Variants in SYT14 observed in about 807,000 individuals in gnomAD.
SYT14 encodes synaptotagmin 14, also known as synaptotagmin-14.
A neutral mutation model predicts 74.2 loss-of-function variants in SYT14; 32 were observed. That is an observed-to-expected ratio of 0.43 (90% CI 0.33 to 0.58). SYT14 has a LOEUF of 0.58. Among genes scored for constraint, SYT14 ranks in the 20% least tolerant of loss-of-function variants. The pLI is 0.05. For synonymous variants in SYT14, 298 were observed against 337.7 expected, an observed-to-expected ratio of 0.88 and a Z score of 1.29; for missense variants, 791 against 981.8, an observed-to-expected ratio of 0.81 and a Z score of 2.60.
intron 1 of SYT14, among the ~76,000 whole-genome samples, chr1:209,952,250 C>T (rs2078923649): frequency 6.6e-6 from 1 of 151,958 alleles, no homozygotes; most frequent in Non-Finnish European, 1.5e-5. Flanking sequence ...ATTTGTTTTA[C>T]AAATTTATAA....
At position 210,162,274 on chromosome 1, in the gene SYT14, G is replaced by T. The variant is rs569816882; in HGVS notation, c.*1232G>T. 5.9e-5 allele frequency: 26 copies of T among 437,910 alleles called. 1 individual carries two copies. The highest frequency in any genetic ancestry group is 4.2e-4 in the South Asian group (25 of 60,118). 27.1% of individuals were successfully genotyped at this position (437,910 alleles called of 1,614,324 possible). A position where few individuals can be genotyped will look rare whatever the true frequency, so the allele number is the denominator to read the frequency against. ...TTAAATTTGCTCATACAGCTTGAAC[G>T]TTGTATTTGCAAAATTAAGCCTTCG... On this transcript the variant is annotated 3_prime_UTR_variant, in exon 10 of 10. Transcript: ENST00000637265.
At chr1:210,021,050 A>G in exon 5 of SYT14, 1 of 1,613,802 alleles carries the variant, frequency 6.2e-7, no homozygotes, top group Non-Finnish European at 8.5e-7. Flanking sequence ...TAATTCCTAC[A>G]TGGACAAAGA....
At chr1:209,972,646 T>TG (rs1223452340) in intron 2 of SYT14, among the ~76,000 whole-genome samples, 2 of 152,208 alleles carry the variant, frequency 1.3e-5, no homozygotes, top group African/African-American at 4.8e-5. Flanking sequence ...TTCCATGAAA[T>TG]TGTGTGGTTT....
chr1:209,954,400 C>CT, intron 2 of SYT14, among the ~76,000 whole-genome samples: 1 of 152,084 alleles, frequency 6.6e-6, no homozygotes, highest in East Asian at 1.9e-4. Flanking sequence ...ATTAGTCTAG[C>CT]TTTTTTGCTG....
chr1:209,993,953 T>C (rs2079740493), intron 2 of SYT14, among the ~76,000 whole-genome samples: 1 of 152,180 alleles, frequency 6.6e-6, no homozygotes, highest in Non-Finnish European at 1.5e-5. Flanking sequence ...AGTGTTTACC[T>C]AAAGATGTTG....
chr1:209,953,631 TA>T (rs1177095707), intron 2 of SYT14, among the ~76,000 whole-genome samples: 5 of 152,346 alleles, frequency 3.3e-5, no homozygotes, highest in African/African-American at 9.6e-5. Context: ...ATGTTTTCAG[TA>T]AGTCTTTAAC....
chr1:210,081,794 A>G (rs1306508281), intron 5 of SYT14, among the ~76,000 whole-genome samples: 1 of 152,270 alleles, frequency 6.6e-6, no homozygotes, highest in Non-Finnish European at 1.5e-5. Context: ...ACAAAACAGA[A>G]TAAACAATAT....
At chr1:209,971,523 T>C (rs2079256444) in intron 2 of SYT14, among the ~76,000 whole-genome samples, 1 of 152,186 alleles carries the variant, frequency 6.6e-6, no homozygotes, top group Admixed American at 6.5e-5. Flanking sequence ...TATGGGTTTG[T>C]CATAGATGGG....
intron 7 of SYT14, among the ~76,000 whole-genome samples, chr1:210,138,358 C>G (rs955101233): frequency 6.6e-6 from 1 of 152,162 alleles, no homozygotes; most frequent in Non-Finnish European, 1.5e-5. Flanking sequence ...ATTCAATTAC[C>G]TCGCACCAGT....
At chr1:210,073,930 A>AGC (rs1221069482) in intron 5 of SYT14, among the ~76,000 whole-genome samples, 1 of 96,008 alleles carries the variant, frequency 1.0e-5, no homozygotes, top group Non-Finnish European at 1.9e-5. Context: ...ATATCAAGAA[A>AGC]ACAGATGAAA....
intron 5 of SYT14, among the ~76,000 whole-genome samples, chr1:210,070,156 G>A (rs780487960): frequency 6.6e-6 from 1 of 151,850 alleles, no homozygotes; most frequent in African/African-American, 2.4e-5. Context: ...CTCTCGTTCC[G>A]CTCTCCATCT....
intron 2 of SYT14, among the ~76,000 whole-genome samples, chr1:209,980,558 T>C (rs145761662): frequency 1.3e-5 from 2 of 152,352 alleles, no homozygotes; most frequent in African/African-American, 4.8e-5. Flanking sequence ...CTAGATTTTC[T>C]TCTAAGGTTT....
At chr1:210,150,614 C>T (rs2083139330) in intron 7 of SYT14, among the ~76,000 whole-genome samples, 4 of 152,186 alleles carry the variant, frequency 2.6e-5, no homozygotes, top group Admixed American at 2.6e-4. Flanking sequence ...TTAACTTCAG[C>T]ACCCTCTGTG....
At chr1:210,042,303 A>G (rs1426759079) in intron 5 of SYT14, among the ~76,000 whole-genome samples, 1 of 152,214 alleles carries the variant, frequency 6.6e-6, no homozygotes, top group African/African-American at 2.4e-5. Context: ...TTAACCATAC[A>G]GAGAAGGATG....
At chr1:210,115,967 C>T (rs2082353331) in intron 7 of SYT14, among the ~76,000 whole-genome samples, 1 of 150,740 alleles carries the variant, frequency 6.6e-6, no homozygotes, top group Admixed American at 6.6e-5. Context: ...TAGGGGTGGG[C>T]CGTTTTATAG....
chr1:210,044,127 C>T (rs898222261), intron 5 of SYT14, among the ~76,000 whole-genome samples: 1 of 152,124 alleles, frequency 6.6e-6, no homozygotes, highest in South Asian at 2.1e-4. Flanking sequence ...TGGTTGGTGC[C>T]AATGTCGTAA....
At chr1:209,991,832 G>GAA (rs1301656205) in intron 2 of SYT14, among the ~76,000 whole-genome samples, 7 of 124,704 alleles carry the variant, frequency 5.6e-5, no homozygotes, top group Admixed American at 8.3e-5. Flanking sequence ...TCCGTCTCGA[G>GAA]AAAAAAAAAA....
chr1:210,155,987 A>G (rs1029007991), intron 8 of SYT14, 77 bp downstream of exon 7: 27 of 1,280,558 alleles, frequency 2.1e-5, no homozygotes, highest in Middle Eastern at 1.8e-4. Flanking sequence ...GTTCAATCCT[A>G]TCATTTAGTC....
chr1:210,008,722 T>C, intron 2 of SYT14, among the ~76,000 whole-genome samples: 1 of 152,150 alleles, frequency 6.6e-6, no homozygotes, highest in South Asian at 2.1e-4. Context: ...AGATTTACTT[T>C]CCTGCAGTGG....
Sources: gnomAD v4.1 joint callset for allele counts (sites outside exome capture counted in the v4.1 genomes callset) on GRCh38, gnomAD v4.1.1 for gene constraint, MANE v1.5 for transcripts, NCBI Gene and HGNC (gene_info 2026-07-23, HGNC 2026-07-21) for gene names.